TMEM156: variants seen among roughly 807,000 people sequenced by gnomAD.
TMEM156 encodes the protein transmembrane protein 156.
A neutral mutation model predicts 30.5 loss-of-function variants in TMEM156; 28 were observed. The observed-to-expected ratio is 0.92, with a 90% CI of 0.68 to 1.26. TMEM156 has a LOEUF of 1.26. Ranked by LOEUF, TMEM156 falls within the 50% of genes most tolerant of loss-of-function variation. The probability of loss-of-function intolerance (pLI) is 0.00; values close to 1 mark genes in which losing one functional copy is unlikely to be tolerated. For missense variants in TMEM156, 351 were observed against 340.6 expected (o/e 1.03, Z -0.24); for synonymous variants, 137 against 119.9 (o/e 1.14, Z -0.93).
At chr4:39,025,867 A>C (rs1394101228) in intron 1 of TMEM156, among the ~76,000 whole-genome samples, 1 of 152,216 alleles carries the variant, frequency 6.6e-6, no homozygotes, top group Non-Finnish European at 1.5e-5. Flanking sequence ...ATCTTTCAAA[A>C]ATATGAGGAT....
intron 1 of TMEM156, 46 bp from the exon 2 acceptor site, chr4:38,998,955 G>T (rs1433910931): frequency 1.3e-6 from 2 of 1,536,788 alleles, no homozygotes; most frequent in East Asian, 4.6e-5. Flanking sequence ...AAAGCTTTGA[G>T]TTTTTGGCAT....
chr4:39,021,059 C>T (rs189285986), intron 1 of TMEM156, among the ~76,000 whole-genome samples: 26 of 152,196 alleles, frequency 1.7e-4, no homozygotes, highest in Admixed American at 1.3e-3. Flanking sequence ...TGATGATTAG[C>T]GATGTTGAGA....
chr4:39,005,404 C>G (rs1273165986), intron 1 of TMEM156, among the ~76,000 whole-genome samples: 2 of 152,180 alleles, frequency 1.3e-5, no homozygotes, highest in Non-Finnish European at 1.5e-5. Context: ...TCTTTGCTCT[C>G]CCTTCTGTCT....
chr4:38,993,895 T>G lies in TMEM156; in HGVS notation c.462A>C (p.Glu154Asp), dbSNP rs1438298447. The G allele has an allele frequency of 2.4e-5, 38 of 1,614,034 alleles. No homozygotes were observed. Among genetic ancestry groups the G allele is most frequent in the Non-Finnish European group, 3.1e-5 (36 of 1,180,024 alleles). ...TTTTTAGATGACAGGTAGTGTTATA[T>G]TCCTCCAAGTGGTCAACCAGAGGAG... ...SVAPLVDHLE[E>D]YNTTCHLKNH... The change falls in exon 3 of 7, where the codon GAA (glutamate) becomes GAC (aspartate). Residue 154 changes from glutamate (E) to aspartate (D), a missense_variant. Glu to Asp is a conservative substitution (Grantham distance 45). Coordinates refer to ENST00000381938, the MANE Select transcript of TMEM156 (RefSeq NM_024943.3).
intron 1 of TMEM156, among the ~76,000 whole-genome samples, chr4:39,025,644 A>AT (rs2110067176): frequency 6.6e-6 from 1 of 152,330 alleles, no homozygotes; most frequent in Non-Finnish European, 1.5e-5. Flanking sequence ...CCATAGCAAT[A>AT]TTTGAAAGGC....
intron 5 of TMEM156, among the ~76,000 whole-genome samples, chr4:38,973,521 C>T (rs918170685): frequency 3.9e-5 from 6 of 151,954 alleles, no homozygotes; most frequent in Admixed American, 1.3e-4. Context: ...AGGTGGATCC[C>T]ATTAATTTTT....
chr4:39,030,214 G>A (rs1486648720), intron 1 of TMEM156, among the ~76,000 whole-genome samples: 1 of 151,258 alleles, frequency 6.6e-6, no homozygotes, highest in African/African-American at 2.4e-5. Flanking sequence ...CCCAGAAAGA[G>A]TTTGGAGCAT....
intron 2 of TMEM156, among the ~76,000 whole-genome samples, chr4:38,996,406 CAAAAA>C (rs57823248): frequency 8.5e-6 from 1 of 117,060 alleles, no homozygotes; most frequent in Non-Finnish European, 1.9e-5. Context: ...ACTAAAAATA[CAAAAA>C]AAAAAAAAAA....
At chr4:38,985,858 C>G (rs570482614) in intron 5 of TMEM156, among the ~76,000 whole-genome samples, 17 of 152,324 alleles carry the variant, frequency 1.1e-4, no homozygotes, top group African/African-American at 3.6e-4. Context: ...CATCACTGCT[C>G]TAATTAGAAT....
At chr4:39,018,936 A>G (rs1714678064) in intron 1 of TMEM156, among the ~76,000 whole-genome samples, 2 of 151,544 alleles carry the variant, frequency 1.3e-5, no homozygotes, top group Admixed American at 6.6e-5. Context: ...CAGAAGAATC[A>G]CTTGAATTTG....
At chr4:39,017,587 C>T (rs905493970) in intron 1 of TMEM156, among the ~76,000 whole-genome samples, 5 of 152,214 alleles carry the variant, frequency 3.3e-5, no homozygotes, top group Admixed American at 6.5e-5. Context: ...TTTGAATTGT[C>T]TATATTCCTA....
chr4:38,979,109 T>C (rs1723050563), intron 5 of TMEM156, among the ~76,000 whole-genome samples: 1 of 152,256 alleles, frequency 6.6e-6, no homozygotes, highest in Non-Finnish European at 1.5e-5. Flanking sequence ...GCACTGGCCT[T>C]GAGGTTTTAT....
chr4:39,031,207 A>G (rs1715484591), intron 1 of TMEM156, among the ~76,000 whole-genome samples: 1 of 152,200 alleles, frequency 6.6e-6, no homozygotes, highest in Admixed American at 6.5e-5. Context: ...TTTTCTTCTT[A>G]TTAAATGCTA....
At chr4:39,001,256 G>A (rs1202030714) in intron 1 of TMEM156, among the ~76,000 whole-genome samples, 5 of 150,068 alleles carry the variant, frequency 3.3e-5, no homozygotes, top group South Asian at 2.1e-4. Flanking sequence ...GCATGGTGGC[G>A]GGCACCTGTA....
At chr4:38,983,832 T>C (rs1711758732) in intron 5 of TMEM156, among the ~76,000 whole-genome samples, 1 of 152,270 alleles carries the variant, frequency 6.6e-6, no homozygotes, top group African/African-American at 2.4e-5. Context: ...CTATGCCCTG[T>C]AATTACTCTG....
intron 5 of TMEM156, among the ~76,000 whole-genome samples, chr4:38,974,797 A>G (rs1722769914): frequency 6.6e-6 from 1 of 151,812 alleles, no homozygotes; most frequent in Non-Finnish European, 1.5e-5. Context: ...CAGCCTCCCA[A>G]GTAGCTGGGA....
chr4:38,988,898 G>A lies in TMEM156; in HGVS notation c.692C>T (p.Thr231Ile). Residue 231 changes from threonine (T) to isoleucine (I), a missense_variant, in exon 4 of 7, where the codon ACT becomes ATT. Physicochemically the swap from Thr to Ile is moderately conservative, Grantham distance 89 (BLOSUM62 -1). Transcript: ENST00000381938. The part of the protein sequence containing the change: ...LLVFIFLIIL[T>I]IRKILEGQRR... ...CTGGCCTTCAAGTATTTTGCGGATA[G>A]TGAGGATGATCAAAAATATAAAAAC... is the stretch of plus-strand genomic sequence containing the variant. The A allele has an allele frequency of 6.2e-7, 1 of 1,614,064 alleles. No homozygotes were observed. Among genetic ancestry groups the A allele is most frequent in the African/African-American group, 1.3e-5 (1 of 75,064 alleles).
chr4:39,025,625 T>C (rs1484561821), intron 1 of TMEM156, among the ~76,000 whole-genome samples: 1 of 152,160 alleles, frequency 6.6e-6, no homozygotes, highest in Non-Finnish European at 1.5e-5. Flanking sequence ...TGGGATAACT[T>C]TCGACATACC....
At chr4:38,984,276 A>G (rs1162577825) in intron 5 of TMEM156, among the ~76,000 whole-genome samples, 1 of 151,906 alleles carries the variant, frequency 6.6e-6, no homozygotes, top group African/African-American at 2.4e-5. Flanking sequence ...TGTAGGATGA[A>G]TAAGCTTCTT....
Sources: gnomAD v4.1 joint callset for allele counts (sites outside exome capture counted in the v4.1 genomes callset) on GRCh38, gnomAD v4.1.1 for gene constraint, MANE v1.5 for transcripts, NCBI Gene and HGNC (gene_info 2026-07-23, HGNC 2026-07-21) for gene names.